The following HS3ST5 variants were observed in gnomAD, a reference collection of about 807,000 sequenced individuals.
The protein encoded by HS3ST5 is heparan sulfate-glucosamine 3-sulfotransferase 5, also known as heparan sulfate glucosamine 3-O-sulfotransferase 5.
A neutral mutation model predicts 25.4 loss-of-function variants in HS3ST5; 10 were observed. The ratio of observed to expected loss-of-function variants is 0.39; its 90% CI spans 0.24 to 0.67. HS3ST5 has a LOEUF of 0.67. Among genes scored for constraint, HS3ST5 ranks in the 30% least tolerant of loss-of-function variants. The pLI, the probability that HS3ST5 is intolerant of heterozygous loss-of-function variation, is 0.44. For synonymous variants in HS3ST5, 170 were observed against 162.4 expected, an observed-to-expected ratio of 1.05 and a Z score of -0.36; for missense variants, 324 against 420.7, an observed-to-expected ratio of 0.77 and a Z score of 2.01.
intron 3 of HS3ST5, among the ~76,000 whole-genome samples, chr6:114,078,151 T>G (rs747254843): frequency 6.6e-6 from 1 of 152,252 alleles, no homozygotes; most frequent in African/African-American, 2.4e-5. Context: ...CTGAAAACTT[T>G]AGAGACAGAT....
At chr6:114,098,388 C>G (rs908841202) in intron 3 of HS3ST5, among the ~76,000 whole-genome samples, 1 of 150,774 alleles carries the variant, frequency 6.6e-6, no homozygotes, top group Admixed American at 6.6e-5. Flanking sequence ...GGAAACAAAA[C>G]ATATAACAAA....
rs1236849104 is a variant in HS3ST5, at chr6:114,057,435, G to A, written c.863C>T (p.Ala288Val). 9 of 1,614,168 alleles carry A rather than the reference G, an allele frequency of 5.6e-6. No homozygotes were observed. Among genetic ancestry groups the A allele is most frequent in the Non-Finnish European group, 7.6e-6 (9 of 1,180,038 alleles). The change falls in exon 5 of 5, where the codon GCT (alanine) becomes GTT (valine). Residue 288 changes from alanine (A) to valine (V), a missense_variant. Physicochemically the swap from Ala to Val is moderately conservative, Grantham distance 64. This residue lies in a region of HS3ST5 where 203 missense variants were observed against 303.4 expected (regional missense o/e 0.67). Coordinates refer to ENST00000312719, the MANE Select transcript of HS3ST5 (RefSeq NM_153612.4). ...RISQYNLYFN[A>V]TRGFYCLRFN... is the part of the protein sequence containing the mutation. ...CCGCAAGCAGTAAAACCCTCTGGTA[G>A]CATTGAAGTATAAATTGTATTGACT...
intron 3 of HS3ST5, among the ~76,000 whole-genome samples, chr6:114,110,195 A>T (rs888050129): frequency 5.3e-5 from 8 of 152,186 alleles, no homozygotes; most frequent in African/African-American, 1.9e-4. Context: ...ACTTCAAATT[A>T]ATCTGTCAAA....
At chr6:114,281,117 T>C (rs1774088526) in intron 1 of HS3ST5, among the ~76,000 whole-genome samples, 1 of 152,048 alleles carries the variant, frequency 6.6e-6, no homozygotes, top group South Asian at 2.1e-4. Flanking sequence ...TAGGATATGG[T>C]AGACCATTTC....
intron 3 of HS3ST5, among the ~76,000 whole-genome samples, chr6:114,146,686 A>C (rs920770435): frequency 1.3e-5 from 2 of 152,188 alleles, no homozygotes; most frequent in Non-Finnish European, 2.9e-5. Context: ...ATATGTTTGC[A>C]TCATGGGGGT....
chr6:114,124,843 C>T (rs1316370077), intron 3 of HS3ST5, among the ~76,000 whole-genome samples: 2 of 152,082 alleles, frequency 1.3e-5, no homozygotes, highest in East Asian at 3.8e-4. Flanking sequence ...ATATTTCTCT[C>T]CAGAAAACTG....
At chr6:114,103,857 A>ATTTTTTTTTTTTT (rs71553394) in intron 3 of HS3ST5, among the ~76,000 whole-genome samples, 3 of 107,148 alleles carry the variant, frequency 2.8e-5, no homozygotes, top group Non-Finnish European at 5.4e-5. Flanking sequence ...CACCTGGCTA[A>ATTTTTTTTTTTTT]TTTTTTTTTT....
chr6:114,143,807 C>CACTCGCCAGTCAGA, intron 3 of HS3ST5: 1 of 152,542 alleles, frequency 6.6e-6, no homozygotes, highest in South Asian at 2.1e-4. Flanking sequence ...TAACTATTGA[C>CACTCGCCAGTCAGA]ACTCGCCAGT....
chr6:114,323,944 T>C (rs1200541918), intron 1 of HS3ST5, among the ~76,000 whole-genome samples: 1 of 152,122 alleles, frequency 6.6e-6, no homozygotes, highest in African/African-American at 2.4e-5. Flanking sequence ...CTGTGCTGTT[T>C]CCTTCTGTTA....
intron 2 of HS3ST5, among the ~76,000 whole-genome samples, chr6:114,183,722 G>A (rs1479523550): frequency 6.6e-6 from 1 of 152,150 alleles, no homozygotes; most frequent in Admixed American, 6.5e-5. Context: ...ATCATAAAGG[G>A]ATTTTTAAAG....
At position 114,148,390 on chromosome 6, in the gene HS3ST5, G is replaced by A. The variant is rs181917019; in HGVS notation, c.-33+19961C>T. Among the ~76,000 whole-genome samples, 748 of 152,244 alleles carry A rather than the reference G, an allele frequency of 4.9e-3. 4 individuals carry two copies. Among genetic ancestry groups the A allele is most frequent in the Non-Finnish European group, 7.7e-3 (521 of 68,012 alleles). ...TCCCAGCACTTTGGGAAGCCAAGGC[G>A]GGTGGATCACCTGAGGTCAGGAGTT... On this transcript the variant is annotated intron_variant, in intron 3 of 4. Transcript: ENST00000312719.
At chr6:114,176,584 T>C (rs1352895508) in intron 2 of HS3ST5, among the ~76,000 whole-genome samples, 2 of 152,306 alleles carry the variant, frequency 1.3e-5, no homozygotes, top group South Asian at 2.1e-4. Context: ...CCTACAGGTT[T>C]AGATGTCATT....
At chr6:114,172,994 G>C (rs765159710) in intron 2 of HS3ST5, among the ~76,000 whole-genome samples, 2 of 152,188 alleles carry the variant, frequency 1.3e-5, no homozygotes, top group African/African-American at 2.4e-5. Context: ...GAAACTAACT[G>C]TTGTGACTGG....
At chr6:114,073,687 GA>G (rs930336107) in intron 3 of HS3ST5, among the ~76,000 whole-genome samples, 1 of 152,218 alleles carries the variant, frequency 6.6e-6, no homozygotes, top group African/African-American at 2.4e-5. Flanking sequence ...TTACACTGTT[GA>G]TGGGAGTGTA....
chr6:114,077,348 T>G (rs1304680645), intron 3 of HS3ST5, among the ~76,000 whole-genome samples: 1 of 152,182 alleles, frequency 6.6e-6, no homozygotes, highest in African/African-American at 2.4e-5. Context: ...ATCTCACTGG[T>G]ATAGGTAACT....
intron 3 of HS3ST5, among the ~76,000 whole-genome samples, chr6:114,125,627 A>G (rs1777000882): frequency 6.6e-6 from 1 of 152,202 alleles, no homozygotes; most frequent in African/African-American, 2.4e-5. Flanking sequence ...ACATATTCCT[A>G]TTTAAGGCAC....
In HS3ST5 at chr6:114,057,125, C is replaced by A; in HGVS notation, c.*132G>T. 1.6e-6 allele frequency: 1 copy of A among 636,316 alleles called. No homozygotes were observed. Among genetic ancestry groups the A allele is most frequent in the East Asian group, 2.7e-5 (1 of 37,012 alleles). 39.4% of individuals were successfully genotyped at this position (636,316 alleles called of 1,614,324 possible). On this transcript the variant is annotated 3_prime_UTR_variant, in exon 5 of 5. Transcript: ENST00000312719. ...AAAGAACTGATCTTATATTTGGTCA[C>A]ACACTGCGTATGTACAAATATACAT...
intron 3 of HS3ST5, among the ~76,000 whole-genome samples, chr6:114,092,946 A>G (rs1389023157): frequency 2.6e-5 from 4 of 152,056 alleles, no homozygotes; most frequent in Non-Finnish European, 5.9e-5. Flanking sequence ...AAGTGCTGGG[A>G]TTATAGGTGT....
intron 1 of HS3ST5, among the ~76,000 whole-genome samples, chr6:114,301,361 T>C (rs1378590952): frequency 6.6e-6 from 1 of 152,178 alleles, no homozygotes; most frequent in Non-Finnish European, 1.5e-5. Flanking sequence ...AATGAAAGTG[T>C]TGCACTGGAG....
Sources: gnomAD v4.1 joint callset for allele counts (sites outside exome capture counted in the v4.1 genomes callset) on GRCh38, gnomAD v4.1.1 for gene constraint, gnomAD v4.1.1 regional missense constraint, MANE v1.5 for transcripts, NCBI Gene and HGNC (gene_info 2026-07-23, HGNC 2026-07-21) for gene names.